CHRM3: variants seen among roughly 807,000 people sequenced by gnomAD.
CHRM3 encodes cholinergic receptor muscarinic 3.
Under a neutral mutation model 41.8 loss-of-function variants are expected in CHRM3, and 11 were observed. The observed-to-expected ratio is 0.26, with a 90% CI of 0.17 to 0.44. The LOEUF (loss-of-function observed/expected upper bound fraction) is 0.44. Among genes scored for constraint, CHRM3 ranks in the 20% least tolerant of loss-of-function variants. CHRM3 has a pLI of 1.00. For synonymous variants in CHRM3, 297 were observed against 301.4 expected (o/e 0.99, Z 0.15); for missense variants, 571 against 745.4 (o/e 0.77, Z 2.72).
chr1:239,611,476 T>A (rs1464544584), intron 3 of CHRM3, among the ~76,000 whole-genome samples: 2 of 143,280 alleles, frequency 1.4e-5, no homozygotes, highest in South Asian at 2.3e-4. Context: ...GCTAGAGTGC[T>A]GTGGCGCGAT....
chr1:239,412,691 A>G (rs1661193771), intron 1 of CHRM3, among the ~76,000 whole-genome samples: 1 of 152,020 alleles, frequency 6.6e-6, no homozygotes, highest in African/African-American at 2.4e-5. Context: ...CTTGTCTCGT[A>G]GGAATGGTTT....
At chr1:239,839,977 A>C (rs1227470098) in intron 6 of CHRM3, among the ~76,000 whole-genome samples, 1 of 152,174 alleles carries the variant, frequency 6.6e-6, no homozygotes, top group Admixed American at 6.5e-5. Flanking sequence ...TCAGTTGTTG[A>C]GTTGTTAATA....
intron 1 of CHRM3, among the ~76,000 whole-genome samples, chr1:239,408,555 T>C (rs2103030051): frequency 6.6e-6 from 1 of 151,150 alleles, no homozygotes; most frequent in South Asian, 2.1e-4. Context: ...CTCTCTCCTT[T>C]ATAAATTACC....
chr1:239,479,780 G>A (rs1290003621), intron 1 of CHRM3, among the ~76,000 whole-genome samples: 2 of 151,420 alleles, frequency 1.3e-5, no homozygotes, highest in Admixed American at 6.6e-5. Flanking sequence ...ATAAAAAATA[G>A]CACATGTCTA....
intron 6 of CHRM3, among the ~76,000 whole-genome samples, chr1:239,859,822 TATATA>T (rs1675474481): frequency 6.1e-5 from 2 of 32,658 alleles, no homozygotes; most frequent in South Asian, 2.8e-3. Flanking sequence ...AAGTGTTTTA[TATATA>T]TATATATATA....
intron 2 of CHRM3, among the ~76,000 whole-genome samples, chr1:239,503,083 T>G (rs1485223919): frequency 2.6e-5 from 4 of 151,954 alleles, no homozygotes; most frequent in African/African-American, 7.3e-5. Flanking sequence ...AAGAAAGAAA[T>G]AAAGGGCATC....
At position 239,914,088 on chromosome 1, in the gene CHRM3, CA is replaced by C. The variant is rs1680515670; in HGVS notation, c.*4867del. The stretch of plus-strand genomic sequence containing the variant: ...AAGCATTAGTAAAACTTCCCGCACC[CA>C]AATTATAATCCGGCAACCCTAGCTT... On this transcript the variant is annotated 3_prime_UTR_variant, in exon 7 of 7. Transcript: ENST00000676153. 1 of 167,100 alleles carries C rather than the reference CA, an allele frequency of 6.0e-6. No homozygotes were observed. Among genetic ancestry groups the C allele is most frequent in the Non-Finnish European group, 1.5e-5 (1 of 68,118 alleles). 10.4% of individuals were successfully genotyped at this position (167,100 alleles called of 1,614,324 possible). A position where few individuals can be genotyped will look rare whatever the true frequency, so the allele number is the denominator to read the frequency against.
intron 5 of CHRM3, among the ~76,000 whole-genome samples, chr1:239,712,218 T>A (rs184926086): frequency 5.9e-5 from 9 of 152,356 alleles, no homozygotes; most frequent in Non-Finnish European, 1.3e-4. Flanking sequence ...CCCAGTTATC[T>A]TGGTCCCCGA....
chr1:239,648,486 A>G (rs1457244765), intron 4 of CHRM3, among the ~76,000 whole-genome samples: 1 of 152,192 alleles, frequency 6.6e-6, no homozygotes. Flanking sequence ...CAAGAGAATA[A>G]GCAGTTGGAT....
chr1:239,817,762 A>G (rs1249106268), intron 5 of CHRM3, among the ~76,000 whole-genome samples: 1 of 152,024 alleles, frequency 6.6e-6, no homozygotes, highest in South Asian at 2.1e-4. Context: ...TCCTTGGCAC[A>G]CTCAGGGAAC....
chr1:239,609,171 G>A (rs1052737287), intron 3 of CHRM3, among the ~76,000 whole-genome samples: 1 of 151,992 alleles, frequency 6.6e-6, no homozygotes, highest in Non-Finnish European at 1.5e-5. Flanking sequence ...CCCATCACCA[G>A]GCAACCATAG....
intron 6 of CHRM3, among the ~76,000 whole-genome samples, chr1:239,871,219 T>C (rs1431401245): frequency 6.6e-6 from 1 of 152,088 alleles, no homozygotes; most frequent in Non-Finnish European, 1.5e-5. Flanking sequence ...GTGTATAGGG[T>C]ATAGGGTATA....
intron 6 of CHRM3, among the ~76,000 whole-genome samples, chr1:239,840,066 A>G (rs1206317934): frequency 6.6e-6 from 1 of 152,166 alleles, no homozygotes; most frequent in Non-Finnish European, 1.5e-5. Context: ...TGTAAATAAC[A>G]AACATGGAAC....
At chr1:239,867,648 C>T (rs890912260) in intron 6 of CHRM3, among the ~76,000 whole-genome samples, 4 of 149,686 alleles carry the variant, frequency 2.7e-5, no homozygotes, top group African/African-American at 9.8e-5. Context: ...ATCACACCAC[C>T]GCATTCCAGC....
intron 4 of CHRM3, among the ~76,000 whole-genome samples, chr1:239,677,120 C>T (rs1658084992): frequency 6.6e-6 from 1 of 152,070 alleles, no homozygotes; most frequent in Non-Finnish European, 1.5e-5. Flanking sequence ...GTGATGTCAC[C>T]CTCTTACCTA....
At chr1:239,744,155 C>T (rs1280548949) in intron 5 of CHRM3, among the ~76,000 whole-genome samples, 3 of 151,860 alleles carry the variant, frequency 2.0e-5, no homozygotes, top group African/African-American at 7.3e-5. Flanking sequence ...CTTCATTCAA[C>T]ATGTATTCAT....
chr1:239,505,960 A>T (rs1668540633), intron 2 of CHRM3, among the ~76,000 whole-genome samples: 1 of 152,154 alleles, frequency 6.6e-6, no homozygotes, highest in Non-Finnish European at 1.5e-5. Flanking sequence ...ATTTTTCCCC[A>T]TCCTAGAGAT....
At position 239,823,717 on chromosome 1, in the gene CHRM3, T is replaced by A. The variant is rs549512824; in HGVS notation, c.-146-3535T>A. 5.3e-5 allele frequency among the ~76,000 whole-genome samples: 8 copies of A among 152,248 alleles called. No homozygotes were observed. The East Asian group carries it at 1.5e-3, about 29-fold the overall frequency. On this transcript the variant is annotated intron_variant, in intron 5 of 6. Coordinates refer to ENST00000676153, the MANE Select transcript of CHRM3 (RefSeq NM_001375978.1). ...CAGGAAGTGGTTTATGTGAGATTTT[T>A]CCAATAGGAAAGGCCAAAAAAGCGA...
At chr1:239,500,973 G>T (rs958342736) in intron 2 of CHRM3, among the ~76,000 whole-genome samples, 1 of 152,204 alleles carries the variant, frequency 6.6e-6, no homozygotes, top group East Asian at 1.9e-4. Flanking sequence ...GGCAGGGGTA[G>T]CTATTCTTAT....
Sources: gnomAD v4.1 joint callset for allele counts (sites outside exome capture counted in the v4.1 genomes callset) on GRCh38, gnomAD v4.1.1 for gene constraint, MANE v1.5 for transcripts, NCBI Gene and HGNC (gene_info 2026-07-23, HGNC 2026-07-21) for gene names.